RBFOX2: variants seen among roughly 807,000 people sequenced by gnomAD.
The protein encoded by RBFOX2 is RNA binding fox-1 homolog 2, also known as RNA binding protein fox-1 homolog 2.
Under a neutral mutation model 49.1 loss-of-function variants are expected in RBFOX2, and 10 were observed. The ratio of observed to expected loss-of-function variants is 0.20; its 90% CI spans 0.13 to 0.35. The LOEUF is 0.35. Ranked by LOEUF, RBFOX2 falls within the 10% of genes least tolerant of loss-of-function variation. The pLI is 1.00. For synonymous variants in RBFOX2, 183 were observed against 187.4 expected (o/e 0.98, Z 0.19); for missense variants, 323 against 486.9 (o/e 0.66, Z 3.17).
At chr22:35,941,632 T>G (rs1034462369), upstream of RBFOX2, among the ~76,000 whole-genome samples, 1 of 152,002 alleles carries the variant, frequency 6.6e-6, no homozygotes, top group Non-Finnish European at 1.5e-5. Flanking sequence ...AAGAAAGTAA[T>G]CAAAAACCCC....
rs575166537 is a variant in RBFOX2, at chr22:35,831,172, G to C, written c.27+9020C>G. On this transcript the variant is annotated intron_variant, in intron 1 of 11. Transcript: ENST00000405409. ...TTTAAATAGTTAAGAGGCCAGGCAC[G>C]GTGGCTTACGCCTGTAATCCCAGCA... 3.3e-5 allele frequency among the ~76,000 whole-genome samples: 5 copies of C among 152,182 alleles called. 1 individual carries two copies. In the South Asian group the frequency reaches 1.0e-3, roughly 32 times the overall value.
At chr22:35,853,861 G>T in intron 1 of RBFOX2, among the ~76,000 whole-genome samples, 1 of 152,098 alleles carries the variant, frequency 6.6e-6, no homozygotes, top group African/African-American at 2.4e-5. Context: ...AACCAAAACA[G>T]ATTTTACTTT....
intron 1 of RBFOX2, among the ~76,000 whole-genome samples, chr22:35,956,902 C>A (rs2055626080): frequency 6.6e-6 from 1 of 152,212 alleles, no homozygotes; most frequent in African/African-American, 2.4e-5. Flanking sequence ...ATAATTTTTA[C>A]TACTTCAGCA....
intron 1 of RBFOX2, chr22:35,898,391 G>A: frequency 3.7e-6 from 2 of 545,946 alleles, no homozygotes; most frequent in South Asian, 4.1e-5. Context: ...CCGGGATTGT[G>A]CAGCGGCCGC....
chr22:35,963,539 C>G (rs1380000461), upstream of RBFOX2, among the ~76,000 whole-genome samples: 1 of 152,148 alleles, frequency 6.6e-6, no homozygotes, highest in African/African-American at 2.4e-5. Flanking sequence ...GAGTGCCCAT[C>G]AACTCAATTA....
At chr22:35,861,135 G>A (rs1212958179) in intron 1 of RBFOX2, among the ~76,000 whole-genome samples, 1 of 152,160 alleles carries the variant, frequency 6.6e-6, no homozygotes, top group Non-Finnish European at 1.5e-5. Flanking sequence ...GAAAAGAAAC[G>A]AGATTTATAC....
exon 1 of RBFOX2, chr22:35,840,240 A>G (rs753618852): frequency 6.2e-7 from 1 of 1,614,108 alleles, no homozygotes; most frequent in Non-Finnish European, 8.5e-7. Context: ...ATAGATGATA[A>G]ACCTTTCAAA....
chr22:35,744,116 T>C, exon 12 of RBFOX2: 1 of 1,180,434 alleles, frequency 8.5e-7, no homozygotes, highest in Admixed American at 2.9e-5. Flanking sequence ...CTCTTCATCT[T>C]GCTATAGAGT....
chr22:35,746,600 C>G, intron 9 of RBFOX2, 39 bp from the exon 12 acceptor site: 1 of 1,350,146 alleles, frequency 7.4e-7, no homozygotes, highest in South Asian at 1.4e-5. Flanking sequence ...AGATACCTCT[C>G]CCCCCAGGTG....
At chr22:35,938,805 C>A in intron 1 of RBFOX2, 42 bp downstream of exon 2, 1 of 1,571,306 alleles carries the variant, frequency 6.4e-7, no homozygotes, top group South Asian at 1.1e-5. Context: ...TGAAACACAC[C>A]ACACACATAC....
intron 11 of RBFOX2, among the ~76,000 whole-genome samples, chr22:35,745,310 C>T (rs1932133411): frequency 6.6e-6 from 1 of 152,158 alleles, no homozygotes; most frequent in South Asian, 2.1e-4. Flanking sequence ...CAAGCCAACA[C>T]AATAATACTG....
At chr22:35,974,099 T>C (rs916893806) in intron 1 of RBFOX2, among the ~76,000 whole-genome samples, 5 of 152,148 alleles carry the variant, frequency 3.3e-5, no homozygotes, top group African/African-American at 7.2e-5. Flanking sequence ...CACAGAGAAC[T>C]TGGCAGCTCG....
Position 36,018,146 on chromosome 22 carries a change from A to T in RBFOX2, c.186+10094T>A, listed in dbSNP as rs554412467. Among the ~76,000 whole-genome samples the T allele has an allele frequency of 2.0e-5, 3 of 152,368 alleles. No individual in the cohort carries two copies. The East Asian group carries it at 5.8e-4, about 29-fold the overall frequency. On this transcript the variant is annotated intron_variant, in intron 1 of 13. Coordinates refer to the RBFOX2 transcript ENST00000438146. ...GTTTCTTGACTACTTGGGCCCAGGCATGGTGCTTAATCCTACAGATTCCTA... is the reference window on the plus strand; with the variant it reads ...GTTTCTTGACTACTTGGGCCCAGGCTTGGTGCTTAATCCTACAGATTCCTA...
At chr22:35,803,213 A>G (rs1395683557) in intron 2 of RBFOX2, among the ~76,000 whole-genome samples, 1 of 151,910 alleles carries the variant, frequency 6.6e-6, no homozygotes, top group South Asian at 2.1e-4. Context: ...AACACCCCAC[A>G]GTCACTACAA....
intron 4 of RBFOX2, among the ~76,000 whole-genome samples, chr22:35,773,319 C>T (rs967111501): frequency 2.6e-4 from 40 of 151,918 alleles, no homozygotes; most frequent in African/African-American, 9.7e-4. Flanking sequence ...TTTTATCTCC[C>T]CTAACTACAG....
intron 1 of RBFOX2, among the ~76,000 whole-genome samples, chr22:35,928,538 G>T (rs2051956064): frequency 6.6e-6 from 1 of 152,150 alleles, no homozygotes; most frequent in Non-Finnish European, 1.5e-5. Flanking sequence ...CAGCAGAGAG[G>T]CAAATGCCTG....
chr22:35,749,298 TGAA>T lies in RBFOX2; in HGVS notation c.888-2740_888-2738del, dbSNP rs1933997532. 6.6e-6 allele frequency among the ~76,000 whole-genome samples: 1 copy of T among 152,090 alleles called. No homozygotes were observed. Among genetic ancestry groups the T allele is most frequent in the South Asian group, 2.1e-4 (1 of 4,822 alleles). On this transcript the variant is annotated intron_variant, in intron 9 of 11. Coordinates refer to ENST00000405409, the Ensembl canonical transcript of RBFOX2. This position sits in a 1 kb window ranked among gnomAD's most constrained non-coding sequence, Gnocchi z 4.1. The stretch of plus-strand genomic sequence containing the variant: ...AATATCAGCACTAAGAAAAAACACA[TGAA>T]GAGTTTTTTTTAAAGCAGATGACTT...
intron 3 of RBFOX2, among the ~76,000 whole-genome samples, chr22:35,781,142 C>T (rs139942838): frequency 2.2e-3 from 341 of 152,334 alleles, no homozygotes; most frequent in African/African-American, 7.9e-3. Flanking sequence ...AATTAAATCA[C>T]AACCCTAGAA....
At chr22:35,806,897 C>T (rs896253671) in intron 2 of RBFOX2, among the ~76,000 whole-genome samples, 1 of 152,094 alleles carries the variant, frequency 6.6e-6, no homozygotes, top group Non-Finnish European at 1.5e-5. Context: ...CTCCGCCTCC[C>T]CAGTTCAAGC....
Sources: gnomAD v4.1 joint callset for allele counts (sites outside exome capture counted in the v4.1 genomes callset) on GRCh38, gnomAD v4.1.1 for gene constraint, Gnocchi (gnomAD v3.1) non-coding constraint, MANE v1.5 for transcripts, NCBI Gene and HGNC (gene_info 2026-07-23, HGNC 2026-07-21) for gene names.